VPS33A: variants seen among roughly 807,000 people sequenced by gnomAD.
VPS33A encodes vacuolar protein sorting-associated protein 33A.
A neutral mutation model predicts 71.8 loss-of-function variants in VPS33A; 32 were observed. The ratio of observed to expected loss-of-function variants is 0.45; its 90% CI spans 0.34 to 0.60. The LOEUF (loss-of-function observed/expected upper bound fraction) is 0.60, where lower values mean the gene tolerates loss of function less well. Ranked by LOEUF, VPS33A falls within the 20% of genes least tolerant of loss-of-function variation. The probability of loss-of-function intolerance (pLI) is 0.02; values close to 1 mark genes in which losing one functional copy is unlikely to be tolerated. For synonymous variants in VPS33A, 311 were observed against 292.7 expected (o/e 1.06, Z -0.64); for missense variants, 625 against 748.5 (o/e 0.84, Z 1.92).
intron 9 of VPS33A, among the ~76,000 whole-genome samples, chr12:122,239,131 G>A (rs1954674883): frequency 6.6e-6 from 1 of 152,120 alleles, no homozygotes; most frequent in African/African-American, 2.4e-5. Context: ...GCTTCTGAGA[G>A]GCTACCAGAT....
chr12:122,256,111 A>G (rs143618098), intron 4 of VPS33A, among the ~76,000 whole-genome samples: 2 of 152,186 alleles, frequency 1.3e-5, no homozygotes, highest in African/African-American at 4.8e-5. Flanking sequence ...TATTTTTTTA[A>G]ATAAGTTTCA....
rs955364962 is a variant in VPS33A, at chr12:122,251,155, C to T, written c.484-56G>A. On this transcript the variant is annotated intron_variant, in intron 4 of 12. Transcript: ENST00000267199. ...CCATGGGGGCCTCCCAGGGGCCCAT[C>T]TCTGTTCCTGGGGCTGGGGTGCAGC... 5.0e-5 allele frequency: 60 copies of T among 1,211,394 alleles called. 1 individual carries two copies. The South Asian group carries it at 6.6e-4, about 13-fold the overall frequency. 75.0% of individuals were successfully genotyped at this position (1,211,394 alleles called of 1,614,324 possible).
chr12:122,263,728 CAAG>C, intron 2 of VPS33A, 29 bp from the exon 3 acceptor site: 1 of 1,554,770 alleles, frequency 6.4e-7, no homozygotes, highest in Non-Finnish European at 8.7e-7. Context: ...AAAAGGTTAA[CAAG>C]AAGACTGAAA....
At position 122,235,854 on chromosome 12, in the gene VPS33A, C is replaced by G. The variant is rs1252700800; in HGVS notation, c.1372G>C (p.Gly458Arg). 1 of 1,613,660 alleles carries G rather than the reference C, an allele frequency of 6.2e-7. No homozygotes were observed. Among genetic ancestry groups the G allele is most frequent in the East Asian group, 2.2e-5 (1 of 44,838 alleles). ...ATAGTTGGGTAATTGTTTCTGCCCC[C>G]CGTCTGCGGTTTCAGCAGGCCGGCC... Reference protein sequence around the residue: ...EKAGLLKPQTGGRNNYPTIRK... With the variant: ...EKAGLLKPQTRGRNNYPTIRK... The change falls in exon 11 of 13, where the codon GGG becomes CGG. Residue 458 changes from glycine (G) to arginine (R), a missense_variant. Physicochemically the swap from Gly to Arg is moderately radical, Grantham distance 125. Coordinates refer to ENST00000267199, the MANE Select transcript of VPS33A (RefSeq NM_022916.6).
In VPS33A at chr12:122,236,074, G is replaced by A. The variant is rs558963477; in HGVS notation, c.1303-151C>T. 4.5e-6 allele frequency: 4 copies of A among 888,750 alleles called. No individual in the cohort carries two copies. In the South Asian group the frequency reaches 6.7e-5, roughly 15 times the overall value. 55.1% of individuals were successfully genotyped at this position (888,750 alleles called of 1,614,324 possible). A position where few individuals can be genotyped will look rare whatever the true frequency, so the allele number is the denominator to read the frequency against. On this transcript the variant is annotated intron_variant, in intron 10 of 12. Coordinates refer to ENST00000267199, the MANE Select transcript of VPS33A (RefSeq NM_022916.6). ...TGTTAGTGGATGGGCACAGAGGACAGGGTGGAGGGATGAAACTTGTCCTAA... is the reference window on the plus strand; with the variant it reads ...TGTTAGTGGATGGGCACAGAGGACAAGGTGGAGGGATGAAACTTGTCCTAA...
rs57522920 is a variant in VPS33A at position 122,238,770 on chromosome 12, T to TACACACACACAC, written c.1165-58_1165-47dup. 2.6e-3 allele frequency: 2,310 copies of TACACACACACAC among 872,720 alleles called. 13 individuals carry two copies. Among genetic ancestry groups the TACACACACACAC allele is most frequent in the African/African-American group, 0.016 (805 of 51,462 alleles). The allele number at this position is 872,720 out of a possible 1,614,324, so 54.1% of individuals were successfully genotyped here. On this transcript the variant is annotated intron_variant, in intron 9 of 12. Transcript: ENST00000267199. ...ATATACATATACATTTACATATACA[T>TACACACACACAC]ACACACACACACACACACACACACA...
At chr12:122,263,539 A>G (rs770975921) in intron 3 of VPS33A, 33 bp downstream of exon 3, 6 of 1,558,666 alleles carry the variant, frequency 3.8e-6, no homozygotes, top group South Asian at 1.2e-5. Flanking sequence ...TAAGAACCAA[A>G]CTCTTTTGGA....
chr12:122,235,129 G>A (rs772471339), intron 11 of VPS33A, among the ~76,000 whole-genome samples: 4 of 151,686 alleles, frequency 2.6e-5, no homozygotes, highest in Non-Finnish European at 5.9e-5. Context: ...ACTACCACTG[G>A]CCATTTTTTT....
At chr12:122,263,420 T>G in intron 3 of VPS33A, 152 bp downstream of exon 3, 17 of 846,684 alleles carry the variant, frequency 2.0e-5, no homozygotes, top group East Asian at 3.0e-5. Context: ...CCAGCCCCCA[T>G]CTTCTCTTTT....
At chr12:122,245,388 T>A (rs1954764035) in intron 6 of VPS33A, among the ~76,000 whole-genome samples, 1 of 151,720 alleles carries the variant, frequency 6.6e-6, no homozygotes, top group Non-Finnish European at 1.5e-5. Context: ...TTAAAAGCCA[T>A]CCTAGAACAA....
At chr12:122,246,232 C>T (rs775489937) in intron 6 of VPS33A, among the ~76,000 whole-genome samples, 23 of 152,170 alleles carry the variant, frequency 1.5e-4, no homozygotes, top group Non-Finnish European at 2.4e-4. Flanking sequence ...CAGTGGCTCA[C>T]GCCTGTAATC....
chr12:122,256,227 T>C (rs1015955828), intron 4 of VPS33A, among the ~76,000 whole-genome samples: 5 of 152,098 alleles, frequency 3.3e-5, no homozygotes, highest in Non-Finnish European at 5.9e-5. Flanking sequence ...TTATGTACTA[T>C]ACCAGCGGTT....
intron 1 of VPS33A, chr12:122,265,537 T>C: frequency 3.7e-6 from 1 of 267,600 alleles, no homozygotes; most frequent in Non-Finnish European, 8.1e-6. Context: ...ATACAATCCA[T>C]GATGTTATTC....
intron 8 of VPS33A, 112 bp downstream of exon 8, chr12:122,242,270 T>TA (rs1357739917): frequency 1.5e-6 from 2 of 1,324,648 alleles, no homozygotes; most frequent in Non-Finnish European, 2.1e-6. Context: ...CACGTGGTAT[T>TA]AAGACAGAGC....
At chr12:122,245,056 C>A (rs976861811) in intron 6 of VPS33A, among the ~76,000 whole-genome samples, 7 of 152,174 alleles carry the variant, frequency 4.6e-5, no homozygotes, top group African/African-American at 1.4e-4. Context: ...TTTCAAGGAT[C>A]TCCCCATTGA....
At chr12:122,233,315 T>A (rs1485761840) in intron 11 of VPS33A, among the ~76,000 whole-genome samples, 2 of 151,616 alleles carry the variant, frequency 1.3e-5, no homozygotes, top group African/African-American at 4.8e-5. Flanking sequence ...AACCTCCGCC[T>A]CCCTAGTTCA....
At chr12:122,244,960 C>G (rs952069681) in intron 6 of VPS33A, among the ~76,000 whole-genome samples, 198 bp from the exon 7 acceptor site, 4 of 152,314 alleles carry the variant, frequency 2.6e-5, no homozygotes, top group African/African-American at 9.6e-5. Flanking sequence ...TTCTCATTAT[C>G]TTTGGGGCAC....
chr12:122,237,833 C>T (rs1954651247), intron 10 of VPS33A, among the ~76,000 whole-genome samples: 1 of 151,602 alleles, frequency 6.6e-6, no homozygotes, highest in Non-Finnish European at 1.5e-5. Flanking sequence ...TTATTTTTTA[C>T]TTTTTGTAAA....
intron 3 of VPS33A, among the ~76,000 whole-genome samples, chr12:122,262,413 A>G (rs934964165): frequency 2.0e-5 from 3 of 152,212 alleles, no homozygotes; most frequent in Non-Finnish European, 4.4e-5. Flanking sequence ...ATGCAGCCAC[A>G]AAGAGTCTTA....
Sources: allele counts gnomAD v4.1 joint callset (sites outside exome capture counted in the v4.1 genomes callset), GRCh38; gene constraint gnomAD v4.1.1; transcripts MANE v1.5; gene names NCBI Gene and HGNC (gene_info 2026-07-23, HGNC 2026-07-21).